Variants in IL15 observed in about 807,000 individuals in gnomAD.
IL15 encodes the protein interleukin-15.
IL15 carries 11 observed loss-of-function variants against 19.6 expected under a neutral mutation model. The observed-to-expected ratio is 0.56, with a 90% CI of 0.35 to 0.93. The LOEUF is 0.93. Among genes scored for constraint, IL15 ranks in the 40% least tolerant of loss-of-function variants. The pLI is 0.01. For missense variants in IL15, 197 were observed against 186.5 expected, an observed-to-expected ratio of 1.06 and a Z score of -0.33; for synonymous variants, 58 against 59.6, an observed-to-expected ratio of 0.97 and a Z score of 0.12.
chr4:141,703,502 G>T (rs922320089), intron 2 of IL15, among the ~76,000 whole-genome samples: 2 of 152,118 alleles, frequency 1.3e-5, no homozygotes, highest in Non-Finnish European at 2.9e-5. Context: ...CCCTAAATTT[G>T]TTCCAGCTCT....
At chr4:141,702,174 A>G (rs548012362) in intron 2 of IL15, among the ~76,000 whole-genome samples, 20 of 152,312 alleles carry the variant, frequency 1.3e-4, no homozygotes, top group African/African-American at 4.8e-4. Flanking sequence ...CACTGCTGAA[A>G]GAAACATTCC....
At chr4:141,708,458 C>G (rs1432739642) in intron 2 of IL15, among the ~76,000 whole-genome samples, 1 of 151,996 alleles carries the variant, frequency 6.6e-6, no homozygotes, top group Non-Finnish European at 1.5e-5. Flanking sequence ...AAGGTGGGCT[C>G]CTACTGTGAG....
chr4:141,665,537 A>G (rs987310694), intron 2 of IL15, among the ~76,000 whole-genome samples: 7 of 152,300 alleles, frequency 4.6e-5, no homozygotes, highest in African/African-American at 1.7e-4. Context: ...TCTTATGTCA[A>G]TTCTTATATG....
At chr4:141,720,975 CT>C (rs780312549) in intron 4 of IL15, 6 of 585,892 alleles carry the variant, frequency 1.0e-5, no homozygotes, top group Non-Finnish European at 1.8e-5. Context: ...TAAAACATTT[CT>C]TTCTTTATTT....
chr4:141,721,435 G>A, intron 4 of IL15: 1 of 622,422 alleles, frequency 1.6e-6, no homozygotes, highest in Non-Finnish European at 3.0e-6. Context: ...CATAGTAAGA[G>A]TGTGAGCAAC....
At chr4:141,672,508 A>G (rs1004931917) in intron 2 of IL15, among the ~76,000 whole-genome samples, 16 of 152,178 alleles carry the variant, frequency 1.1e-4, no homozygotes, top group African/African-American at 3.4e-4. Context: ...ATGTTGTTGC[A>G]TTGATTTATT....
chr4:141,694,847 T>C (rs1729039771), intron 2 of IL15, among the ~76,000 whole-genome samples: 1 of 152,216 alleles, frequency 6.6e-6, no homozygotes, highest in Admixed American at 6.5e-5. Flanking sequence ...TCTTAATAGA[T>C]GGCAGCCCTG....
intron 5 of IL15, among the ~76,000 whole-genome samples, chr4:141,726,101 C>T (rs1020106793): frequency 2.6e-5 from 4 of 152,148 alleles, no homozygotes; most frequent in African/African-American, 9.7e-5. Context: ...GATCCAATTA[C>T]CTCTTAAAGC....
intron 1 of IL15, among the ~76,000 whole-genome samples, chr4:141,648,474 A>G (rs1349149986): frequency 6.6e-6 from 1 of 152,030 alleles, no homozygotes; most frequent in Non-Finnish European, 1.5e-5. Context: ...GAGTATTTTG[A>G]GAAGTTATTT....
intron 2 of IL15, among the ~76,000 whole-genome samples, chr4:141,693,044 A>T (rs1462265596): frequency 6.7e-6 from 1 of 148,376 alleles, no homozygotes; most frequent in African/African-American, 2.5e-5. Context: ...AAAAAAAAAG[A>T]TACTACCTGT....
chr4:141,720,762 G>A, intron 4 of IL15, 196 bp downstream of exon 4: 2 of 595,930 alleles, frequency 3.4e-6, no homozygotes, highest in Non-Finnish European at 5.9e-6. Flanking sequence ...CTACATTGTG[G>A]TAATAGTCCA....
rs753451417 is a variant in IL15, at chr4:141,719,452, G to A, written c.-13G>A. On this transcript the variant is annotated 5_prime_UTR_variant, in exon 3 of 8. In the 5' UTR this introduces an upstream ATG that the reference lacks. Transcript: ENST00000320650. ...CTTCTTCAATACTTAAGGATTTACC[G>A]TGGCTTTGAGTAATGAGAATTTCGG... is the stretch of plus-strand genomic sequence containing the variant. 7 of 908,092 alleles carry A rather than the reference G, an allele frequency of 7.7e-6. No homozygotes were observed. Among genetic ancestry groups the A allele is most frequent in the South Asian group, 1.3e-5 (1 of 74,342 alleles). 56.3% of individuals were successfully genotyped at this position (908,092 alleles called of 1,614,324 possible).
chr4:141,638,592 A>T (rs923408650), intron 1 of IL15, among the ~76,000 whole-genome samples: 2 of 152,252 alleles, frequency 1.3e-5, no homozygotes, highest in Admixed American at 1.3e-4. Context: ...TTAATCCATG[A>T]AATTAATGTA....
chr4:141,646,606 G>A (rs1233527944), intron 1 of IL15, among the ~76,000 whole-genome samples: 2 of 152,068 alleles, frequency 1.3e-5, no homozygotes, highest in African/African-American at 4.8e-5. Context: ...AAGTAATATA[G>A]TGTGTTTACT....
chr4:141,715,934 T>C (rs373940582), intron 2 of IL15: 9 of 152,292 alleles, frequency 5.9e-5, no homozygotes, highest in African/African-American at 1.9e-4. Context: ...AATGATTTGC[T>C]TGGGAAATAG....
intron 5 of IL15, among the ~76,000 whole-genome samples, chr4:141,726,712 C>A (rs184970463): frequency 2.0e-4 from 31 of 152,172 alleles, no homozygotes; most frequent in Admixed American, 1.8e-3. Flanking sequence ...TTGGTAAAAT[C>A]TGTGATATAT....
At chr4:141,708,778 T>C (rs1342081279) in intron 2 of IL15, among the ~76,000 whole-genome samples, 1 of 152,144 alleles carries the variant, frequency 6.6e-6, no homozygotes, top group Non-Finnish European at 1.5e-5. Context: ...GTCACTCCAG[T>C]CAAATTATAG....
intron 2 of IL15, among the ~76,000 whole-genome samples, chr4:141,676,463 GATCCCAA>G (rs1728348960): frequency 6.6e-6 from 1 of 152,106 alleles, no homozygotes; most frequent in Admixed American, 6.5e-5. Flanking sequence ...TTGTCTACTT[GATCCCAA>G]ACACAACTTC....
chr4:141,728,491 A>G (rs1453592008), intron 6 of IL15, among the ~76,000 whole-genome samples: 3 of 152,142 alleles, frequency 2.0e-5, no homozygotes, highest in Non-Finnish European at 4.4e-5. Context: ...GAAACTTATT[A>G]GAACTGAAAA....
Sources: allele counts gnomAD v4.1 joint callset (sites outside exome capture counted in the v4.1 genomes callset), GRCh38; gene constraint gnomAD v4.1.1; transcripts MANE v1.5; gene names NCBI Gene and HGNC (gene_info 2026-07-23, HGNC 2026-07-21).